The following EPHA3 variants were observed in gnomAD, a reference collection of about 807,000 sequenced individuals.
EPHA3 encodes EPH receptor A3, also known as ephrin type-A receptor 3.
EPHA3 carries 42 observed loss-of-function variants against 107.1 expected under a neutral mutation model. That is an observed-to-expected ratio of 0.39 (90% CI 0.31 to 0.51). EPHA3 has a LOEUF of 0.51. Among genes scored for constraint, EPHA3 ranks in the 20% least tolerant of loss-of-function variants. The pLI, the probability that EPHA3 is intolerant of heterozygous loss-of-function variation, is 0.78. For synonymous variants in EPHA3, 461 were observed against 424.8 expected (o/e 1.09, Z -1.05); for missense variants, 1,183 against 1,211.2 (o/e 0.98, Z 0.35).
At chr3:89,432,660 A>G (rs1403321973) in intron 13 of EPHA3, among the ~76,000 whole-genome samples, 2 of 152,224 alleles carry the variant, frequency 1.3e-5, no homozygotes, top group African/African-American at 2.4e-5. Context: ...AATAATCATT[A>G]CTATTAATAC....
intron 3 of EPHA3, among the ~76,000 whole-genome samples, chr3:89,281,358 G>A (rs956613802): frequency 2.0e-5 from 3 of 152,040 alleles, no homozygotes; most frequent in African/African-American, 7.2e-5. Flanking sequence ...TTACATATGA[G>A]AAAATCAGAG....
In EPHA3 at chr3:89,234,959, CCCTTCCT is replaced by C. The variant is rs1325780711; in HGVS notation, c.814+24447_814+24453del. ...TTCCTCCCTCTCTCCCTCCCTCTTT[CCCTTCCT>C]CCTTCCTTCCTTCCCTCCTCCTTTC... On this transcript the variant is annotated intron_variant, in intron 3 of 16. Transcript: ENST00000336596. Among the ~76,000 whole-genome samples the C allele has an allele frequency of 8.1e-4, 113 of 138,802 alleles. 1 individual carries two copies. The highest frequency in any genetic ancestry group is 3.1e-3 in the African/African-American group (111 of 36,326). 91.1% of individuals were successfully genotyped at this position (138,802 alleles called of 152,430 possible).
chr3:89,317,547 A>G, intron 3 of EPHA3, among the ~76,000 whole-genome samples: 1 of 151,876 alleles, frequency 6.6e-6, no homozygotes, highest in Admixed American at 6.6e-5. Flanking sequence ...TACCATGATA[A>G]GCTGTATCTT....
chr3:89,132,249 T>G (rs1204106407), intron 2 of EPHA3, among the ~76,000 whole-genome samples: 1 of 152,194 alleles, frequency 6.6e-6, no homozygotes, highest in African/African-American at 2.4e-5. Flanking sequence ...AACCTTGATA[T>G]CACTGAACCA....
intron 13 of EPHA3, among the ~76,000 whole-genome samples, chr3:89,443,256 A>G (rs73139261): frequency 0.18 from 27,258 of 152,126 alleles, 3,185 homozygotes; most frequent in Non-Finnish European, 0.24. Context: ...GAGTCAAATG[A>G]AAATCTTTAT....
intron 11 of EPHA3, among the ~76,000 whole-genome samples, chr3:89,425,403 G>GTT (rs71621549): frequency 1.5e-5 from 2 of 136,454 alleles, no homozygotes; most frequent in Non-Finnish European, 1.6e-5. Flanking sequence ...TCCATCTCCC[G>GTT]TTTTTTTTTT....
At chr3:89,419,085 C>A in intron 10 of EPHA3, 120 bp from the exon 11 acceptor site, 1 of 1,011,734 alleles carries the variant, frequency 9.9e-7, no homozygotes, top group Non-Finnish European at 1.4e-6. Flanking sequence ...GAGTGTACAT[C>A]TTGCAGGTCA....
At chr3:89,161,580 T>A (rs186010740) in intron 2 of EPHA3, among the ~76,000 whole-genome samples, 22 of 152,268 alleles carry the variant, frequency 1.4e-4, no homozygotes, top group Admixed American at 1.0e-3. Context: ...TTTAATTAGT[T>A]TTTTTACTGA....
chr3:89,189,951 C>A (rs1705667396), intron 2 of EPHA3, among the ~76,000 whole-genome samples: 2 of 152,094 alleles, frequency 1.3e-5, no homozygotes, highest in Non-Finnish European at 2.9e-5. Context: ...CAGTTCAGCT[C>A]ATTTGGAAGT....
At chr3:89,297,143 A>G (rs940409669) in intron 3 of EPHA3, among the ~76,000 whole-genome samples, 1 of 152,098 alleles carries the variant, frequency 6.6e-6, no homozygotes, top group Non-Finnish European at 1.5e-5. Context: ...TTATTTTTCT[A>G]TCATTAGTTT....
At chr3:89,300,417 A>T (rs1706455162) in intron 3 of EPHA3, among the ~76,000 whole-genome samples, 1 of 152,038 alleles carries the variant, frequency 6.6e-6, no homozygotes, top group African/African-American at 2.4e-5. Context: ...ACAATGCTAC[A>T]CACACAGAGA....
chr3:89,115,618 T>C (rs987783756), intron 1 of EPHA3, among the ~76,000 whole-genome samples: 1 of 152,232 alleles, frequency 6.6e-6, no homozygotes, highest in Admixed American at 6.5e-5. Flanking sequence ...TGTTCAACAC[T>C]GAGAAAATAA....
intron 2 of EPHA3, among the ~76,000 whole-genome samples, chr3:89,190,411 C>A (rs1302780676): frequency 6.6e-6 from 1 of 152,092 alleles, no homozygotes; most frequent in African/African-American, 2.4e-5. Flanking sequence ...ACCAATTAAC[C>A]AATTACCTAT....
chr3:89,123,893 TG>T (rs951852852), intron 1 of EPHA3, among the ~76,000 whole-genome samples: 1 of 152,198 alleles, frequency 6.6e-6, no homozygotes, highest in Non-Finnish European at 1.5e-5. Flanking sequence ...CAAAAATATT[TG>T]GCAATCACAT....
intron 13 of EPHA3, among the ~76,000 whole-genome samples, chr3:89,432,922 T>C (rs1407914809): frequency 6.6e-6 from 1 of 152,118 alleles, no homozygotes; most frequent in Non-Finnish European, 1.5e-5. Context: ...TGATTAAATA[T>C]TTTTACAATA....
At chr3:89,309,778 T>C (rs1266264460) in intron 3 of EPHA3, among the ~76,000 whole-genome samples, 1 of 152,040 alleles carries the variant, frequency 6.6e-6, no homozygotes, top group Non-Finnish European at 1.5e-5. Flanking sequence ...GAAAAAAATG[T>C]TTTTAGTAAA....
intron 2 of EPHA3, among the ~76,000 whole-genome samples, chr3:89,133,730 G>A (rs575132500): frequency 6.6e-6 from 1 of 152,254 alleles, no homozygotes; most frequent in East Asian, 1.9e-4. Flanking sequence ...CCGGCTGCAG[G>A]AATTGCAGTT....
At chr3:89,457,436 G>A (rs1275736234) in intron 15 of EPHA3, among the ~76,000 whole-genome samples, 1 of 152,130 alleles carries the variant, frequency 6.6e-6, no homozygotes, top group Non-Finnish European at 1.5e-5. Context: ...TCATAGGAGA[G>A]CAAACCCTGT....
chr3:89,231,298 ATGT>A (rs1477434896), intron 3 of EPHA3, among the ~76,000 whole-genome samples: 1 of 152,070 alleles, frequency 6.6e-6, no homozygotes, highest in Non-Finnish European at 1.5e-5. Flanking sequence ...CATTTTAGGC[ATGT>A]TGTTATATTA....
Sources: gnomAD v4.1 joint callset for allele counts (sites outside exome capture counted in the v4.1 genomes callset) on GRCh38, gnomAD v4.1.1 for gene constraint, MANE v1.5 for transcripts, NCBI Gene and HGNC (gene_info 2026-07-23, HGNC 2026-07-21) for gene names.